The following ZBTB2 variants were observed in gnomAD, a reference collection of about 807,000 sequenced individuals.
The protein encoded by ZBTB2 is zinc finger and BTB domain-containing protein 2.
Under a neutral mutation model 39.5 loss-of-function variants are expected in ZBTB2, and 2 were observed. The ratio of observed to expected loss-of-function variants is 0.05; its 90% CI spans 0.02 to 0.16. The LOEUF is 0.16. Among genes scored for constraint, ZBTB2 ranks in the 10% least tolerant of loss-of-function variants. The probability of loss-of-function intolerance (pLI) is 1.00; values close to 1 mark genes in which losing one functional copy is unlikely to be tolerated. For synonymous variants in ZBTB2, 251 were observed against 256.6 expected (o/e 0.98, Z 0.21); for missense variants, 391 against 653.0 (o/e 0.60, Z 4.37).
chr6:151,381,631 G>A (rs1416861792), intron 1 of ZBTB2, among the ~76,000 whole-genome samples: 1 of 152,206 alleles, frequency 6.6e-6, no homozygotes, highest in Non-Finnish European at 1.5e-5. Context: ...ACCTCTTCCA[G>A]GGTCCTGCAC....
intron 1 of ZBTB2, among the ~76,000 whole-genome samples, chr6:151,381,002 A>G (rs1227003038): frequency 6.6e-6 from 1 of 151,850 alleles, no homozygotes; most frequent in African/African-American, 2.4e-5. Flanking sequence ...CCCTGCTTCC[A>G]CCCTCTGGCC....
Position 151,377,533 on chromosome 6 carries a change from TA to T in ZBTB2, c.-12-3885del, listed in dbSNP as rs1347036332. 1.8e-3 allele frequency among the ~76,000 whole-genome samples: 246 copies of T among 136,528 alleles called. 2 individuals are homozygous for T. The highest frequency in any genetic ancestry group is 6.9e-3 in the African/African-American group (233 of 33,590). 89.6% of individuals were successfully genotyped at this position (136,528 alleles called of 152,430 possible). On this transcript the variant is annotated intron_variant, in intron 1 of 2. Coordinates refer to ENST00000325144, the MANE Select transcript of ZBTB2 (RefSeq NM_020861.3). ...ACAGGTGCCCGCGACCATGTCTGGC[TA>T]ATTTTTTTTTTTTTTTTTTTTTTTG... is the stretch of plus-strand genomic sequence containing the variant.
chr6:151,365,668 A>G lies in ZBTB2; in HGVS notation c.1398T>C (p.His466=), dbSNP rs1562762382. 6.2e-7 allele frequency: 1 copy of G among 1,614,204 alleles called. No homozygotes were observed. ...TFSTPNEVVK[H]SCQNQNSDVF... is the part of the protein sequence containing the mutation. ...CATCCGAGTTCTGGTTTTGGCATGAATGTTTAACAACCTCATTGGGAGTGG... is the reference window on the plus strand; with the variant it reads ...CATCCGAGTTCTGGTTTTGGCATGAGTGTTTAACAACCTCATTGGGAGTGG... Residue 466 remains histidine, a synonymous_variant, in exon 3 of 3, where the codon CAT becomes CAC. Transcript: ENST00000325144. The surrounding 1 kb of genome is among the most constrained non-coding windows in gnomAD (Gnocchi z 5.6).
intron 1 of ZBTB2, among the ~76,000 whole-genome samples, chr6:151,389,783 G>C (rs1779243264): frequency 6.6e-6 from 1 of 152,158 alleles, no homozygotes; most frequent in East Asian, 1.9e-4. Context: ...AGTTCCTGCA[G>C]TAAAAGGCGT....
chr6:151,389,841 G>A (rs1042786531), intron 1 of ZBTB2, among the ~76,000 whole-genome samples: 1 of 152,124 alleles, frequency 6.6e-6, no homozygotes, highest in African/African-American at 2.4e-5. Flanking sequence ...TGCTACCCTC[G>A]CTTCTTTATT....
Position 151,371,169 on chromosome 6 carries a change from GGTTATTCTGCAGTTGTCCCATCT to G in ZBTB2, c.173+2273_173+2295del, listed in dbSNP as rs1389814560. Among the ~76,000 whole-genome samples the G allele has an allele frequency of 3.9e-5, 6 of 152,224 alleles. No homozygotes were observed. The East Asian group carries it at 1.2e-3, about 29-fold the overall frequency. ...ATTGCCAGAGGAGCCAACCCTCCTG[GGTTATTCTGCAGTTGTCCCATCT>G]GCTCCTCCAGACATTGATCAAGTGG... is the stretch of plus-strand genomic sequence containing the variant. On this transcript the variant is annotated intron_variant, in intron 2 of 2. Transcript: ENST00000325144.
At chr6:151,380,147 A>G (rs1779000431) in intron 1 of ZBTB2, among the ~76,000 whole-genome samples, 1 of 152,218 alleles carries the variant, frequency 6.6e-6, no homozygotes, top group South Asian at 2.1e-4. Context: ...AATGAAAAAA[A>G]AAAATGAAAA....
At chr6:151,382,416 T>A (rs1438183473) in intron 1 of ZBTB2, among the ~76,000 whole-genome samples, 1 of 151,636 alleles carries the variant, frequency 6.6e-6, no homozygotes, top group Non-Finnish European at 1.5e-5. Context: ...CCACCACCCC[T>A]GGCTAATTTT....
chr6:151,381,641 C>T (rs1779037206), intron 1 of ZBTB2, among the ~76,000 whole-genome samples: 2 of 152,230 alleles, frequency 1.3e-5, no homozygotes, highest in African/African-American at 2.4e-5. Context: ...GGGTCCTGCA[C>T]CATCTAATAG....
intron 1 of ZBTB2, among the ~76,000 whole-genome samples, chr6:151,383,122 A>C (rs1463400366): frequency 6.6e-6 from 1 of 151,024 alleles, no homozygotes; most frequent in East Asian, 2.0e-4. Context: ...GGGTTTCACC[A>C]TGTTGGCCAG....
At position 151,366,750 on chromosome 6, in the gene ZBTB2, G is replaced by T. The variant is rs778027788; in HGVS notation, c.316C>A (p.Pro106Thr). Residue 106 changes from proline (P) to threonine (T), a missense_variant, in exon 3 of 3, where the codon CCG becomes ACG. Around this residue, in one of 7 missense-constraint regions of ZBTB2, gnomAD observed 175 missense variants for 198.6 expected, o/e 0.88. Transcript: ENST00000325144. This position sits in a 1 kb window ranked among gnomAD's most constrained non-coding sequence, Gnocchi z 7.1. ...GCGAGGCTGGCTTCCTGAATGAGCG[G>T]GTAGGCGTGCAGAAACTTGATGCCC... ...EQGIKFLHAYPLIQEASLASQ... is the reference protein window; with the variant it reads ...EQGIKFLHAYTLIQEASLASQ... 2 of 1,614,136 alleles carry T rather than the reference G, an allele frequency of 1.2e-6. No individual in the cohort carries two copies. The highest frequency in any genetic ancestry group is 2.2e-5 in the South Asian group (2 of 91,072).
In ZBTB2 at chr6:151,377,560, A is replaced by G. The variant is rs567360974; in HGVS notation, c.-12-3911T>C. On this transcript the variant is annotated intron_variant, in intron 1 of 2. Coordinates refer to ENST00000325144, the MANE Select transcript of ZBTB2 (RefSeq NM_020861.3). The stretch of plus-strand genomic sequence containing the variant: ...ATTTTTTTTTTTTTTTTTTTTTTTG[A>G]GATCGAGTCTCGCTCTGTTGCCCAG... 7.2e-5 allele frequency among the ~76,000 whole-genome samples: 6 copies of G among 83,432 alleles called. No individual in the cohort carries two copies. In the South Asian group the frequency reaches 1.2e-3, roughly 17 times the overall value. The allele number at this position is 83,432 out of a possible 152,430, so 54.7% of individuals were successfully genotyped here.
chr6:151,389,927 G>A (rs1168859004), intron 1 of ZBTB2, among the ~76,000 whole-genome samples: 1 of 152,066 alleles, frequency 6.6e-6, no homozygotes, highest in Non-Finnish European at 1.5e-5. Flanking sequence ...TCTCTCTTGC[G>A]GCTTTGTTTA....
intron 1 of ZBTB2, among the ~76,000 whole-genome samples, chr6:151,390,687 C>A (rs964643744): frequency 4.6e-5 from 7 of 151,748 alleles, no homozygotes; most frequent in African/African-American, 1.7e-4. Flanking sequence ...GCGGCAGCAG[C>A]TGTAGGAGCC....
At chr6:151,371,186 C>T (rs1445412302) in intron 2 of ZBTB2, among the ~76,000 whole-genome samples, 1 of 152,130 alleles carries the variant, frequency 6.6e-6, no homozygotes, top group African/African-American at 2.4e-5. Flanking sequence ...CTGCAGTTGT[C>T]CCATCTGCTC....
chr6:151,374,406 C>G (rs780887103), intron 1 of ZBTB2, among the ~76,000 whole-genome samples: 51 of 152,246 alleles, frequency 3.3e-4, no homozygotes, highest in Non-Finnish European at 6.2e-4. Flanking sequence ...TGTACTGATT[C>G]CAAATTCTAT....
chr6:151,367,957 C>T (rs1334859960), intron 2 of ZBTB2, among the ~76,000 whole-genome samples: 1 of 152,306 alleles, frequency 6.6e-6, no homozygotes, highest in African/African-American at 2.4e-5. Context: ...TTAGTGAGAT[C>T]TATATCCACA....
intron 1 of ZBTB2, among the ~76,000 whole-genome samples, chr6:151,388,178 T>A (rs1221346950): frequency 6.6e-6 from 1 of 152,210 alleles, no homozygotes; most frequent in Non-Finnish European, 1.5e-5. Context: ...TAAATGACCT[T>A]TCCCAGGTGC....
chr6:151,372,195 A>G (rs1778802260), intron 2 of ZBTB2, among the ~76,000 whole-genome samples: 1 of 152,232 alleles, frequency 6.6e-6, no homozygotes, highest in African/African-American at 2.4e-5. Context: ...AAAAATGCAG[A>G]TGACAACCAC....
Sources: allele counts gnomAD v4.1 joint callset (sites outside exome capture counted in the v4.1 genomes callset), GRCh38; gene constraint gnomAD v4.1.1; regional missense constraint gnomAD v4.1.1; non-coding constraint Gnocchi (gnomAD v3.1); transcripts MANE v1.5; gene names NCBI Gene and HGNC (gene_info 2026-07-23, HGNC 2026-07-21).